MKRN1: variants seen among roughly 807,000 people sequenced by gnomAD.
MKRN1 encodes E3 ubiquitin-protein ligase makorin-1.
A neutral mutation model predicts 55.5 loss-of-function variants in MKRN1; 9 were observed. That is an observed-to-expected ratio of 0.16 (90% CI 0.10 to 0.28). The LOEUF (loss-of-function observed/expected upper bound fraction) is 0.28, where lower values mean the gene tolerates loss of function less well. Among genes scored for constraint, MKRN1 ranks in the 10% least tolerant of loss-of-function variants. The probability of loss-of-function intolerance (pLI) is 1.00; values close to 1 mark genes in which losing one functional copy is unlikely to be tolerated. For missense variants in MKRN1, 488 were observed against 626.7 expected (o/e 0.78, Z 2.36); for synonymous variants, 253 against 235.9 (o/e 1.07, Z -0.66).
At chr7:140,457,035 T>G (rs1585464048) in intron 4 of MKRN1, 169 bp from the exon 5 acceptor site, 1 of 482,098 alleles carries the variant, frequency 2.1e-6, no homozygotes, top group African/African-American at 1.4e-4. Flanking sequence ...GGTGTGGTGT[T>G]TTTTTTTTGT....
rs116454670 is a variant in MKRN1 at position 140,466,946 on chromosome 7, C to A, written c.314+4937G>T. On this transcript the variant is annotated intron_variant, in intron 2 of 7. Transcript: ENST00000255977. The stretch of plus-strand genomic sequence containing the variant: ...ATCTCAAAACAAAGAAAGAAACAAA[C>A]AACAAACCAATTAAGGTTCCTTTCA... 3.9e-3 allele frequency among the ~76,000 whole-genome samples: 590 copies of A among 150,832 alleles called. 3 individuals are homozygous for A. The highest frequency in any genetic ancestry group is 0.014 in the African/African-American group (565 of 41,032).
chr7:140,461,855 T>C (rs910826516), intron 2 of MKRN1, among the ~76,000 whole-genome samples: 1 of 151,900 alleles, frequency 6.6e-6, no homozygotes, highest in African/African-American at 2.4e-5. Context: ...TGGTGGCGCA[T>C]GCTTGTAATC....
At chr7:140,478,976 T>G in intron 1 of MKRN1, 184 bp downstream of exon 1, 4 of 689,444 alleles carry the variant, frequency 5.8e-6, no homozygotes, top group Non-Finnish European at 6.0e-6. Context: ...CAGCGGGGGT[T>G]GACGCAGTGA....
intron 1 of MKRN1, chr7:140,473,957 A>C: frequency 6.7e-6 from 1 of 148,154 alleles, no homozygotes. Context: ...GTATCACTGC[A>C]CTCTAGCCTG....
In MKRN1 at chr7:140,466,810, CAAAA is replaced by C. The variant is rs563645827; in HGVS notation, c.314+5069_314+5072del. On this transcript the variant is annotated intron_variant, in intron 2 of 7. Coordinates refer to ENST00000255977, the MANE Select transcript of MKRN1 (RefSeq NM_013446.4). The stretch of plus-strand genomic sequence containing the variant: ...TGGGCGACAGAGCGAGACTCCGTCT[CAAAA>C]AAAAAAAAAAAAAAAAAAAGAATAA... 4.8e-3 allele frequency among the ~76,000 whole-genome samples: 417 copies of C among 87,182 alleles called. 2 individuals are homozygous for C. The highest frequency in any genetic ancestry group is 0.02 in the African/African-American group (400 of 19,550). 57.2% of individuals were successfully genotyped at this position (87,182 alleles called of 152,430 possible). A position where few individuals can be genotyped will look rare whatever the true frequency, so the allele number is the denominator to read the frequency against.
At chr7:140,457,026 G>A in intron 4 of MKRN1, 160 bp from the exon 5 acceptor site, 1 of 700,780 alleles carries the variant, frequency 1.4e-6, no homozygotes, top group Non-Finnish European at 2.2e-6. Flanking sequence ...GTAAACACAG[G>A]TGTGGTGTTT....
chr7:140,463,265 A>T (rs186192286), intron 2 of MKRN1, among the ~76,000 whole-genome samples: 25 of 152,334 alleles, frequency 1.6e-4, no homozygotes, highest in African/African-American at 5.3e-4. Flanking sequence ...ATGCTCTTTC[A>T]CTTTCACTCA....
At chr7:140,479,530 C>T, upstream of MKRN1, 1 of 546,816 alleles carries the variant, frequency 1.8e-6, no homozygotes, top group Non-Finnish European at 2.8e-6. Context: ...GGGCCCAGAG[C>T]ATGCGCGCCC....
intron 1 of MKRN1, among the ~76,000 whole-genome samples, chr7:140,477,191 C>T (rs77927479): frequency 1.5e-4 from 22 of 151,670 alleles, no homozygotes; most frequent in Non-Finnish European, 2.9e-4. Flanking sequence ...CTAGAACAAC[C>T]GAAAACAATG....
intron 1 of MKRN1, chr7:140,473,142 C>CA: frequency 2.6e-6 from 1 of 385,448 alleles, no homozygotes; most frequent in Non-Finnish European, 4.9e-6. Context: ...TAGTCTACGT[C>CA]AAAGAATTTC....
intron 1 of MKRN1, among the ~76,000 whole-genome samples, chr7:140,475,709 T>G (rs531586684): frequency 6.6e-6 from 1 of 152,286 alleles, no homozygotes; most frequent in South Asian, 2.1e-4. Flanking sequence ...AAGAGTTTTT[T>G]GAAAAATTAA....
At chr7:140,457,721 A>T (rs1038370330) in intron 4 of MKRN1, among the ~76,000 whole-genome samples, 13 of 152,140 alleles carry the variant, frequency 8.5e-5, no homozygotes, top group Admixed American at 7.9e-4. Context: ...AATAAAAAAA[A>T]TAACACTGCA....
chr7:140,470,350 C>T (rs933120027), intron 2 of MKRN1, among the ~76,000 whole-genome samples: 1 of 151,964 alleles, frequency 6.6e-6, no homozygotes, highest in African/African-American at 2.4e-5. Context: ...TTTGGGAAGC[C>T]GAACCGCGTG....
chr7:140,468,271 A>G lies in MKRN1; in HGVS notation c.314+3612T>C, dbSNP rs1195778611. Reference sequence around the variant, plus strand: ...AGTAACTCTCAAAAGACTAGAACCCAGTTCAAGGAACACAGCTCCCTTACA... The same window carrying G: ...AGTAACTCTCAAAAGACTAGAACCCGGTTCAAGGAACACAGCTCCCTTACA... On this transcript the variant is annotated intron_variant, in intron 2 of 7. Coordinates refer to ENST00000255977, the MANE Select transcript of MKRN1 (RefSeq NM_013446.4). 3.3e-5 allele frequency among the ~76,000 whole-genome samples: 5 copies of G among 152,090 alleles called. No individual in the cohort carries two copies. In the East Asian group the frequency reaches 9.6e-4, roughly 29 times the overall value.
intron 2 of MKRN1, among the ~76,000 whole-genome samples, chr7:140,467,791 C>T (rs1794814661): frequency 6.6e-6 from 1 of 151,606 alleles, no homozygotes; most frequent in Admixed American, 6.6e-5. Flanking sequence ...TCACCTGAAG[C>T]CAGGAGTTCA....
At chr7:140,475,887 T>C (rs972149467) in intron 1 of MKRN1, among the ~76,000 whole-genome samples, 1 of 152,116 alleles carries the variant, frequency 6.6e-6, no homozygotes, top group Non-Finnish European at 1.5e-5. Flanking sequence ...GCAGATGCAA[T>C]GAGCATTTCT....
chr7:140,464,570 T>C (rs1384342717), intron 2 of MKRN1, among the ~76,000 whole-genome samples: 1 of 151,986 alleles, frequency 6.6e-6, no homozygotes, highest in Admixed American at 6.6e-5. Context: ...CTGGGCATGG[T>C]GGTGCATGCC....
chr7:140,461,462 G>C (rs998721089), intron 2 of MKRN1, among the ~76,000 whole-genome samples: 3 of 152,016 alleles, frequency 2.0e-5, no homozygotes, highest in Admixed American at 6.6e-5. Context: ...GGCGAAACCT[G>C]GTCTCTACTA....
intron 1 of MKRN1, chr7:140,475,467 C>T (rs1197171964): frequency 4.2e-6 from 1 of 236,576 alleles, no homozygotes; most frequent in Non-Finnish European, 8.6e-6. Flanking sequence ...CAAGACCAGC[C>T]TAGGCAACAG....
Sources: allele counts gnomAD v4.1 joint callset (sites outside exome capture counted in the v4.1 genomes callset), GRCh38; gene constraint gnomAD v4.1.1; transcripts MANE v1.5; gene names NCBI Gene and HGNC (gene_info 2026-07-23, HGNC 2026-07-21).